The following AARS2 variants were observed in gnomAD, a reference collection of about 807,000 sequenced individuals.
AARS2 encodes alanine--tRNA ligase, mitochondrial.
Under a neutral mutation model 119.7 loss-of-function variants are expected in AARS2, and 78 were observed. The observed-to-expected ratio is 0.65, with a 90% confidence interval of 0.54 to 0.79. AARS2 has a LOEUF of 0.79. AARS2 is among the 30% of genes least tolerant of loss of function. The pLI, the probability that AARS2 is intolerant of heterozygous loss-of-function variation, is 0.00. For missense variants in AARS2, 1,157 were observed against 1,291.3 expected (o/e 0.90, Z 1.59); for synonymous variants, 502 against 526.3 (o/e 0.95, Z 0.63).
At position 44,313,333 on chromosome 6, in the gene AARS2, G is replaced by A. The variant is rs771243188; in HGVS notation, c.-10C>T. On this transcript the variant is annotated 5_prime_UTR_variant, in exon 1 of 22. Transcript: ENST00000244571. Reference sequence around the variant, plus strand: ...CCACTGACGCTGCCATCGTAGCTCCGGGCAGTGACTTTACGTGGTCAAAGA... The same window carrying A: ...CCACTGACGCTGCCATCGTAGCTCCAGGCAGTGACTTTACGTGGTCAAAGA... The A allele has an allele frequency of 4.7e-5, 75 of 1,599,042 alleles. No homozygotes were observed. Among genetic ancestry groups the A allele is most frequent in the African/African-American group, 8.0e-5 (6 of 74,944 alleles).
At position 44,299,033 on chromosome 6, in the gene AARS2, CCCCTA is replaced by C. The variant is rs1785145616; in HGVS notation, c.*1509_*1513del. Among the ~76,000 whole-genome samples, 1 of 152,138 alleles carries C rather than the reference CCCCTA, an allele frequency of 6.6e-6. No individual in the cohort carries two copies. Among genetic ancestry groups the C allele is most frequent in the African/African-American group, 2.4e-5 (1 of 41,382 alleles). ...CCCCGCTCTCCAGCCTCCTCACCTG[CCCCTA>C]TCCCAGCTCACTGCTCAGTGGCACT... On this transcript the variant is annotated 3_prime_UTR_variant, in exon 22 of 22. Transcript: ENST00000244571.
At chr6:44,306,177 C>G (rs1561940511) in intron 9 of AARS2, 103 bp downstream of exon 9, 1 of 1,088,866 alleles carries the variant, frequency 9.2e-7, no homozygotes, top group African/African-American at 1.5e-5. Flanking sequence ...GGGAAGAGGT[C>G]AGGGGTGGAT....
chr6:44,301,392 C>T lies in AARS2; in HGVS notation c.2671G>A (p.Glu891Lys), dbSNP rs779053083. 8.1e-6 allele frequency: 13 copies of T among 1,613,898 alleles called. No homozygotes were observed. Among genetic ancestry groups the T allele is most frequent in the Non-Finnish European group, 1.1e-5 (13 of 1,180,044 alleles). The change falls in exon 20 of 22, where the codon GAG becomes AAG. Residue 891 changes from glutamate to lysine, a missense_variant. Physicochemically the swap from Glu to Lys is moderately conservative, Grantham distance 56. Coordinates refer to ENST00000244571, the MANE Select transcript of AARS2 (RefSeq NM_020745.4). ...GPLIVDTVSA[E>K]SLSVLVKVVR... The stretch of plus-strand genomic sequence containing the variant: ...TGGCTAGCACTCACTGAGAGAGACT[C>T]AGCAGAGACTGTGTCCACAATCAGA...
chr6:44,312,176 C>G lies in AARS2; in HGVS notation c.331G>C (p.Ala111Pro), dbSNP rs780964802. 1 of 1,614,264 alleles carries G rather than the reference C, an allele frequency of 6.2e-7. No individual in the cohort carries two copies. Among genetic ancestry groups the G allele is most frequent in the Non-Finnish European group, 8.5e-7 (1 of 1,180,054 alleles). Reference sequence around the variant, plus strand: ...TCCAGGTCGTTATGGTGTCCTCCAGCTCTCACACATTTCTGGCTGTTGGCC... The same window carrying G: ...TCCAGGTCGTTATGGTGTCCTCCAGGTCTCACACATTTCTGGCTGTTGGCC... ...RVANSQKCVR[A>P]GGHHNDLEDV... The change falls in exon 2 of 22, where the codon GCT (alanine) becomes CCT (proline). Residue 111 changes from alanine (A) to proline (P), a missense_variant. By Grantham distance (27) the Ala-to-Pro change is conservative. Coordinates refer to ENST00000244571, the MANE Select transcript of AARS2 (RefSeq NM_020745.4).
chr6:44,303,422 G>T lies in AARS2; in HGVS notation c.2009C>A (p.Thr670Asn), dbSNP rs750272927. The T allele has an allele frequency of 1.1e-5, 17 of 1,613,980 alleles. No individual in the cohort carries two copies. Among genetic ancestry groups the T allele is most frequent in the Middle Eastern group, 3.3e-4 (2 of 6,062 alleles). Reference protein sequence around the residue: ...EQLRLDVTTQTPLTPEQLRAV... With the variant: ...EQLRLDVTTQNPLTPEQLRAV... The stretch of plus-strand genomic sequence containing the variant: ...CCGGAGCTGCTCTGGGGTCAATGGG[G>T]TCTGGAGGGGTGGGGAGGAAATGGA... Residue 670 changes from threonine to asparagine, a missense_variant and splice_region_variant, in exon 15 of 22, where the codon ACC becomes AAC. Thr to Asn is a moderately conservative substitution (Grantham distance 65). Coordinates refer to ENST00000244571, the MANE Select transcript of AARS2 (RefSeq NM_020745.4).
intron 17 of AARS2, 21 bp from the exon 18 acceptor site, chr6:44,302,534 G>C (rs771203437): frequency 2.5e-6 from 4 of 1,613,820 alleles, no homozygotes; most frequent in Non-Finnish European, 3.4e-6. Flanking sequence ...GGGACAGGAG[G>C]GTCAGGATTA....
rs773086474 is a variant in AARS2 at position 44,301,330 on chromosome 6, G to T, written c.2682+51C>A. 3.7e-5 allele frequency: 59 copies of T among 1,613,416 alleles called. No homozygotes were observed. In the South Asian group the frequency reaches 6.0e-4, roughly 17 times the overall value. ...CAGACCCCTAGCTGTCTCCTGGTCA[G>T]GACTTTGCCCTCCCCAGACCCTGGG... On this transcript the variant is annotated intron_variant, in intron 20 of 21. Transcript: ENST00000244571.
chr6:44,304,521 G>C lies in AARS2; in HGVS notation c.1765C>G (p.Pro589Ala). ...VRAGQEDVLF[P>A]VARAQVCGGF... is the part of the protein sequence containing the mutation. Reference sequence around the variant, plus strand: ...CCACAGACCTGGGCCCGGGCTACTGGGAACAGCACGTCCTGAGGGAGGGTA... The same window carrying C: ...CCACAGACCTGGGCCCGGGCTACTGCGAACAGCACGTCCTGAGGGAGGGTA... Residue 589 changes from proline (P) to alanine (A), a missense_variant, in exon 13 of 22, where the codon CCA (proline) becomes GCA (alanine). Coordinates refer to ENST00000244571, the MANE Select transcript of AARS2 (RefSeq NM_020745.4). The C allele has an allele frequency of 6.2e-7, 1 of 1,614,130 alleles. No individual in the cohort carries two copies.
rs778305605 is a variant in AARS2 at position 44,311,561 on chromosome 6, G to A, written c.436-26C>T. On this transcript the variant is annotated intron_variant, in intron 2 of 21. Transcript: ENST00000244571. ...CTGCAGCAGAAACCAGCATGGGGTG[G>A]GGGGGGAAGACGGGTGAGAGGGAGA... 1.9e-6 allele frequency: 3 copies of A among 1,608,916 alleles called. No individual in the cohort carries two copies. The African/African-American group carries it at 4.0e-5, about 22-fold the overall frequency.
chr6:44,300,416 T>G lies in AARS2; in HGVS notation c.*131A>C. On this transcript the variant is annotated 3_prime_UTR_variant, in exon 22 of 22. Transcript: ENST00000244571. ...TGTGTCACGTAGGCCCTGGCCCAGG[T>G]GATCTTCTTTGGCTCAGCTGCTTGG... is the stretch of plus-strand genomic sequence containing the variant. 2 of 1,344,772 alleles carry G rather than the reference T, an allele frequency of 1.5e-6. No homozygotes were observed. The highest frequency in any genetic ancestry group is 2.1e-6 in the Non-Finnish European group (2 of 947,470). The allele number at this position is 1,344,772 out of a possible 1,614,324, so 83.3% of individuals were successfully genotyped here. A position where few individuals can be genotyped will look rare whatever the true frequency, so the allele number is the denominator to read the frequency against.
Position 44,303,551 on chromosome 6 carries a change from T to C in AARS2, c.2008-128A>G, listed in dbSNP as rs532281533. On this transcript the variant is annotated intron_variant, in intron 14 of 21. Coordinates refer to ENST00000244571, the MANE Select transcript of AARS2 (RefSeq NM_020745.4). Reference sequence around the variant, plus strand: ...TTCTAGAATAGTGGCTAGCACATAATAGGTGCTCAATAAACACTACCTGAG... The same window carrying C: ...TTCTAGAATAGTGGCTAGCACATAACAGGTGCTCAATAAACACTACCTGAG... 6.4e-6 allele frequency: 9 copies of C among 1,405,896 alleles called. No homozygotes were observed. In the African/African-American group the frequency reaches 7.1e-5, roughly 11 times the overall value. 87.1% of individuals were successfully genotyped at this position (1,405,896 alleles called of 1,614,324 possible). A position where few individuals can be genotyped will look rare whatever the true frequency, so the allele number is the denominator to read the frequency against.
In AARS2 at chr6:44,310,459, G is replaced by A; in HGVS notation, c.750-16C>T. ...ATCTGCCTCTCTGGCCAGGGAAGGT[G>A]TGCAAGGTGAGGCCCCACCCAGGAT... is the stretch of plus-strand genomic sequence containing the variant. On this transcript the variant is annotated splice_polypyrimidine_tract_variant and intron_variant, in intron 4 of 21. Transcript: ENST00000244571. 1.2e-6 allele frequency: 2 copies of A among 1,612,670 alleles called. No individual in the cohort carries two copies. Among genetic ancestry groups the A allele is most frequent in the Non-Finnish European group, 8.5e-7 (1 of 1,179,890 alleles).
At chr6:44,306,135 A>G (rs947673426) in intron 9 of AARS2, 145 bp downstream of exon 9, 10 of 826,360 alleles carry the variant, frequency 1.2e-5, no homozygotes, top group Middle Eastern at 3.3e-4. Flanking sequence ...GGGTCTGGGT[A>G]TGGAAGGAGA....
intron 7 of AARS2, 139 bp downstream of exon 7, chr6:44,306,784 G>A (rs1040263631): frequency 1.1e-6 from 1 of 892,012 alleles, no homozygotes; most frequent in Non-Finnish European, 1.8e-6. Flanking sequence ...AGCTTTCTTA[G>A]CTTGCTGATA....
In AARS2 at chr6:44,299,875, T is replaced by G. The variant is rs1785214262; in HGVS notation, c.*672A>C. The stretch of plus-strand genomic sequence containing the variant: ...AATGAAGATGGCCCGATTTGGATCC[T>G]GGGTGGCCTTTCAGACAGTGTGAGT... On this transcript the variant is annotated 3_prime_UTR_variant, in exon 22 of 22. Transcript: ENST00000244571. 1.3e-5 allele frequency: 2 copies of G among 152,916 alleles called. No individual in the cohort carries two copies. The highest frequency in any genetic ancestry group is 2.9e-5 in the Non-Finnish European group (2 of 68,660). 9.5% of individuals were successfully genotyped at this position (152,916 alleles called of 1,614,324 possible). A position where few individuals can be genotyped will look rare whatever the true frequency, so the allele number is the denominator to read the frequency against.
In AARS2 at chr6:44,305,388, C is replaced by T. The variant is rs1468745014; in HGVS notation, c.1435-190G>A. On this transcript the variant is annotated intron_variant, in intron 10 of 21. Coordinates refer to ENST00000244571, the MANE Select transcript of AARS2 (RefSeq NM_020745.4). This position sits in a 1 kb window ranked among gnomAD's most constrained non-coding sequence, Gnocchi z 4.6. Reference sequence around the variant, plus strand: ...TGAACCATCCATCATGTCGGCTCCTCGGGATTAGGCCTTCCTGCCCACTGC... The same window carrying T: ...TGAACCATCCATCATGTCGGCTCCTTGGGATTAGGCCTTCCTGCCCACTGC... 6.6e-6 allele frequency among the ~76,000 whole-genome samples: 1 copy of T among 152,174 alleles called. No homozygotes were observed. The highest frequency in any genetic ancestry group is 1.9e-4 in the East Asian group (1 of 5,186).
At position 44,313,163 on chromosome 6, in the gene AARS2, T is replaced by C; in HGVS notation, c.161A>G (p.His54Arg). 2 of 1,613,154 alleles carry C rather than the reference T, an allele frequency of 1.2e-6. No homozygotes were observed. Among genetic ancestry groups the C allele is most frequent in the Non-Finnish European group, 1.7e-6 (2 of 1,179,766 alleles). Residue 54 changes from histidine to arginine, a missense_variant, in exon 1 of 22, where the codon CAT (histidine) becomes CGT (arginine). Physicochemically the swap from His to Arg is conservative, Grantham distance 29. Coordinates refer to ENST00000244571, the MANE Select transcript of AARS2 (RefSeq NM_020745.4). ...AGCGGAGGGCACCAGCCGGTGGCCA[T>C]GGCGGTCCCGAAAGAAGTTCAGAAA... Reference protein sequence around the residue: ...AAFLNFFRDRHGHRLVPSASV... With the variant: ...AAFLNFFRDRRGHRLVPSASV...
intron 5 of AARS2, among the ~76,000 whole-genome samples, chr6:44,309,306 T>C (rs1786151246): frequency 6.6e-6 from 1 of 152,150 alleles, no homozygotes; most frequent in Non-Finnish European, 1.5e-5. Context: ...AGCTGCGGCC[T>C]CTCAGCTCAC....
chr6:44,302,787 T>TAC lies in AARS2; in HGVS notation c.2364+13_2364+14dup. 6.2e-7 allele frequency: 1 copy of TAC among 1,610,438 alleles called. No homozygotes were observed. The highest frequency in any genetic ancestry group is 1.3e-5 in the African/African-American group (1 of 75,004). On this transcript the variant is annotated intron_variant, in intron 17 of 21. Transcript: ENST00000244571. Reference sequence around the variant, plus strand: ...CCACTCAACCCAGAAGTCCCAGGCCTACTGGCATGCTGACCTGCTGGGCCT... The same window carrying TAC: ...CCACTCAACCCAGAAGTCCCAGGCCTACACTGGCATGCTGACCTGCTGGGCCT...
Sources: allele counts gnomAD v4.1 joint callset (sites outside exome capture counted in the v4.1 genomes callset), GRCh38; gene constraint gnomAD v4.1.1; non-coding constraint Gnocchi (gnomAD v3.1); transcripts MANE v1.5; gene names NCBI Gene and HGNC (gene_info 2026-07-23, HGNC 2026-07-21).